OPRM1: variants seen among roughly 807,000 people sequenced by gnomAD.
OPRM1 encodes the protein opioid receptor mu 1.
In OPRM1, 27 loss-of-function variants were observed where a neutral mutation model predicts 31.8. The observed-to-expected ratio is 0.85, with a 90% CI of 0.63 to 1.17. OPRM1 has a LOEUF of 1.17. OPRM1 is among the 50% of genes most tolerant of loss of function. OPRM1 has a pLI of 0.00. For synonymous variants in OPRM1, 196 were observed against 189.9 expected (o/e 1.03, Z -0.26); for missense variants, 536 against 511.1 (o/e 1.05, Z -0.47).
intron 1 of OPRM1, among the ~76,000 whole-genome samples, chr6:154,056,575 A>G (rs2128425322): frequency 6.6e-6 from 1 of 151,734 alleles, no homozygotes; most frequent in African/African-American, 2.4e-5. Flanking sequence ...CAAGCAGAGG[A>G]TGCAGCAGAG....
At chr6:154,234,222 A>C (rs751221885) in intron 3 of OPRM1, among the ~76,000 whole-genome samples, 1 of 151,978 alleles carries the variant, frequency 6.6e-6, no homozygotes, top group Non-Finnish European at 1.5e-5. Flanking sequence ...TAAATAAACA[A>C]ATCAATATCC....
intron 3 of OPRM1, among the ~76,000 whole-genome samples, chr6:154,143,046 G>A (rs893118944): frequency 6.6e-6 from 1 of 152,018 alleles, no homozygotes; most frequent in Admixed American, 6.5e-5. Flanking sequence ...CTGGAGTAGA[G>A]GAATTCCAGC....
Position 154,087,464 on chromosome 6 carries a change from GGGCCT to G in OPRM1, c.291-2358_291-2354del, listed in dbSNP as rs1790873236. The stretch of plus-strand genomic sequence containing the variant: ...ACCGTGTAAATCAGAAGCCCAAGGA[GGGCCT>G]GGCTTCAGGTGTGGGGTTCTCTCTC... On this transcript the variant is annotated intron_variant, in intron 1 of 3. Transcript: ENST00000330432. 1.3e-5 allele frequency: 13 copies of G among 985,322 alleles called. No homozygotes were observed. The South Asian group carries it at 2.3e-4, about 18-fold the overall frequency. The allele number at this position is 985,322 out of a possible 1,614,324, so 61.0% of individuals were successfully genotyped here.
intron 1 of OPRM1, among the ~76,000 whole-genome samples, chr6:154,067,850 T>G (rs1785780434): frequency 6.6e-6 from 1 of 152,168 alleles, no homozygotes; most frequent in Non-Finnish European, 1.5e-5. Context: ...TATATCTTCT[T>G]GCTGTGAAAC....
chr6:154,038,560 A>C (rs1168087093), upstream of OPRM1, among the ~76,000 whole-genome samples: 1 of 152,216 alleles, frequency 6.6e-6, no homozygotes, highest in Admixed American at 6.5e-5. Context: ...TCTCAGAAGC[A>C]TATGTCTATC....
intron 1 of OPRM1, among the ~76,000 whole-genome samples, chr6:154,025,565 G>A (rs1052666868): frequency 6.6e-6 from 1 of 151,702 alleles, no homozygotes; most frequent in African/African-American, 2.4e-5. Flanking sequence ...CTCCCATTTG[G>A]TTATTTGTTT....
At chr6:154,097,976 T>G (rs1385643515) in intron 3 of OPRM1, among the ~76,000 whole-genome samples, 1 of 152,214 alleles carries the variant, frequency 6.6e-6, no homozygotes, top group Non-Finnish European at 1.5e-5. Flanking sequence ...ACGCCTGTTA[T>G]CCTAGTACTT....
Position 154,168,959 on chromosome 6 carries a change from G to A in OPRM1, c.1164+77487G>A, listed in dbSNP as rs1025460541. ...TCAACCCATACATAGTCCACCCTCC[G>A]GCCTCCTAAATTCATGTGTTTCTCA... On this transcript the variant is annotated intron_variant, in intron 3 of 3. Transcript: ENST00000337049. This position sits in a 1 kb window ranked among gnomAD's most constrained non-coding sequence, Gnocchi z 4.1. Among the ~76,000 whole-genome samples, 8 of 151,762 alleles carry A rather than the reference G, an allele frequency of 5.3e-5. No individual in the cohort carries two copies. The highest frequency in any genetic ancestry group is 1.9e-4 in the East Asian group (1 of 5,144).
At chr6:154,075,431 T>C (rs1787656669) in intron 1 of OPRM1, among the ~76,000 whole-genome samples, 1 of 150,826 alleles carries the variant, frequency 6.6e-6, no homozygotes, top group Admixed American at 6.6e-5. Context: ...CTGTTTTTTA[T>C]ATAACCAACT....
intron 3 of OPRM1, among the ~76,000 whole-genome samples, chr6:154,151,139 C>G (rs1344459600): frequency 6.6e-6 from 1 of 152,226 alleles, no homozygotes; most frequent in Non-Finnish European, 1.5e-5. Flanking sequence ...CCAAGGAGCG[C>G]CCATCTCTCT....
upstream of OPRM1, among the ~76,000 whole-genome samples, chr6:154,036,885 CAG>C (rs1378189649): frequency 6.6e-6 from 1 of 151,680 alleles, no homozygotes; most frequent in African/African-American, 2.4e-5. Context: ...GAAAGAAACA[CAG>C]AGAGTGAGGG....
At chr6:154,167,568 ATC>A (rs1483702777) in intron 3 of OPRM1, among the ~76,000 whole-genome samples, 2 of 152,204 alleles carry the variant, frequency 1.3e-5, no homozygotes, top group Non-Finnish European at 2.9e-5. Flanking sequence ...CCAGTTGATG[ATC>A]TCTGTCTCTC....
intron 3 of OPRM1, among the ~76,000 whole-genome samples, chr6:154,165,282 A>T (rs137891242): frequency 1.7e-3 from 256 of 152,234 alleles, no homozygotes; most frequent in African/African-American, 5.8e-3. Flanking sequence ...CTCCATTCAC[A>T]TCCCCTCTCA....
At chr6:154,197,885 G>C (rs928238732) in intron 3 of OPRM1, among the ~76,000 whole-genome samples, 3 of 152,146 alleles carry the variant, frequency 2.0e-5, no homozygotes, top group Admixed American at 2.0e-4. Flanking sequence ...ATTAAAGTAA[G>C]CGTTTGTAGG....
At chr6:154,211,288 C>G (rs1416185473) in intron 3 of OPRM1, among the ~76,000 whole-genome samples, 1 of 151,926 alleles carries the variant, frequency 6.6e-6, no homozygotes, top group Non-Finnish European at 1.5e-5. Flanking sequence ...AGGTGGCGAG[C>G]ACCCCAGCTA....
At chr6:154,099,429 AGAGG>A (rs1275711253) in intron 3 of OPRM1, among the ~76,000 whole-genome samples, 2 of 141,022 alleles carry the variant, frequency 1.4e-5, no homozygotes, top group African/African-American at 2.7e-5. Flanking sequence ...AGAGAAAGAA[AGAGG>A]GAGGGAGGAA....
intron 3 of OPRM1, among the ~76,000 whole-genome samples, chr6:154,111,388 A>G (rs1197953757): frequency 3.9e-5 from 6 of 152,200 alleles, no homozygotes; most frequent in East Asian, 1.9e-4. Context: ...ATTGCCTTCA[A>G]TTGTAACTTT....
chr6:154,046,111 A>G (rs950955707), intron 1 of OPRM1, among the ~76,000 whole-genome samples: 2 of 152,272 alleles, frequency 1.3e-5, no homozygotes, highest in Admixed American at 6.5e-5. Flanking sequence ...GCACAGTAAA[A>G]TCTGTTTAAT....
intron 3 of OPRM1, among the ~76,000 whole-genome samples, chr6:154,166,715 GAGTC>G (rs151142066): frequency 0.041 from 6,255 of 152,212 alleles, 408 homozygotes; most frequent in African/African-American, 0.14. Context: ...TACATAGTAA[GAGTC>G]AGGAAATACT....
Sources: allele counts gnomAD v4.1 joint callset (sites outside exome capture counted in the v4.1 genomes callset), GRCh38; gene constraint gnomAD v4.1.1; non-coding constraint Gnocchi (gnomAD v3.1); transcripts MANE v1.5; gene names NCBI Gene and HGNC (gene_info 2026-07-23, HGNC 2026-07-21).